Variants in TRAPPC9 observed in about 807,000 individuals in gnomAD.
TRAPPC9 encodes trafficking protein particle complex subunit 9.
A neutral mutation model predicts 124.0 loss-of-function variants in TRAPPC9; 83 were observed. The observed-to-expected ratio is 0.67, with a 90% CI of 0.56 to 0.80. TRAPPC9 has a LOEUF of 0.80. Ranked by LOEUF, TRAPPC9 falls within the 30% of genes least tolerant of loss-of-function variation. TRAPPC9 has a pLI of 0.00. For synonymous variants in TRAPPC9, 638 were observed against 617.5 expected (o/e 1.03, Z -0.49); for missense variants, 1,302 against 1,508.3 (o/e 0.86, Z 2.27).
intron 19 of TRAPPC9, among the ~76,000 whole-genome samples, chr8:139,968,351 A>G (rs1193271268): frequency 6.6e-6 from 1 of 152,144 alleles, no homozygotes; most frequent in African/African-American, 2.4e-5. Context: ...GCCCCACTTA[A>G]AAGTCTTATG....
chr8:140,005,594 A>G lies in TRAPPC9; in HGVS notation c.2700-16758T>C, dbSNP rs544159873. Among the ~76,000 whole-genome samples, 27 of 152,154 alleles carry G rather than the reference A, an allele frequency of 1.8e-4. No homozygotes were observed. The East Asian group carries it at 4.4e-3, about 25-fold the overall frequency. On this transcript the variant is annotated intron_variant, in intron 18 of 22. Transcript: ENST00000438773. ...CAATCAGCACGGCTTATTGGGGGAA[A>G]CTTCCAGGACCTTCCTCACAGGAGT...
intron 21 of TRAPPC9, among the ~76,000 whole-genome samples, chr8:139,772,366 T>C (rs1171803686): frequency 2.6e-5 from 4 of 152,116 alleles, no homozygotes; most frequent in Admixed American, 6.5e-5. Flanking sequence ...GAGAGTATTA[T>C]CCCATTTTAC....
At chr8:140,168,113 T>C (rs1313192622) in intron 17 of TRAPPC9, among the ~76,000 whole-genome samples, 2 of 152,206 alleles carry the variant, frequency 1.3e-5, no homozygotes, top group East Asian at 1.9e-4. Context: ...ACTTGCTCAA[T>C]AACGAGATGC....
chr8:140,023,980 G>T lies in TRAPPC9; in HGVS notation c.2656C>A (p.Pro886Thr). The T allele has an allele frequency of 6.2e-7, 1 of 1,614,044 alleles. No individual in the cohort carries two copies. The highest frequency in any genetic ancestry group is 8.5e-7 in the Non-Finnish European group (1 of 1,179,998). ...CTGACTCGGGTGAAAAATACAGACG[G>T]CTCGACTTCTACATGCAGCCCCAGG... ...LSLGLHVEVE[P>T]SVFFTRVSTL... The change falls in exon 18 of 23, where the codon CCG becomes ACG. Residue 886 changes from proline to threonine, a missense_variant. Pro to Thr is a conservative substitution (Grantham distance 38). Around this residue, in one of 3 missense-constraint regions of TRAPPC9, gnomAD observed 640 missense variants for 679.3 expected, o/e 0.94. Transcript: ENST00000438773.
chr8:139,917,162 A>ATTTTTTTTTT (rs1832191450), intron 19 of TRAPPC9, among the ~76,000 whole-genome samples: 4 of 70,926 alleles, frequency 5.6e-5, no homozygotes, highest in Admixed American at 1.3e-4. Context: ...CTTCATTATT[A>ATTTTTTTTTT]TTTTCTTTTT....
intron 21 of TRAPPC9, among the ~76,000 whole-genome samples, chr8:139,843,310 T>TCGGC (rs1220644769): frequency 6.6e-6 from 1 of 152,182 alleles, no homozygotes; most frequent in Non-Finnish European, 1.5e-5. Context: ...GGGCTGAGAC[T>TCGGC]CGGCCCCGGG....
intron 19 of TRAPPC9, among the ~76,000 whole-genome samples, chr8:139,918,221 C>T (rs767443609): frequency 2.0e-5 from 3 of 152,190 alleles, no homozygotes; most frequent in Non-Finnish European, 2.9e-5. Flanking sequence ...TCAGAGAAGG[C>T]CAAGGGTTGG....
At chr8:140,114,106 G>T (rs547620186) in intron 17 of TRAPPC9, among the ~76,000 whole-genome samples, 1 of 152,260 alleles carries the variant, frequency 6.6e-6, no homozygotes, top group East Asian at 1.9e-4. Context: ...TAGCATAGCT[G>T]GTAGCTGGTC....
At chr8:140,455,056 T>C (rs1475935188) in intron 1 of TRAPPC9, among the ~76,000 whole-genome samples, 1 of 152,104 alleles carries the variant, frequency 6.6e-6, no homozygotes, top group Non-Finnish European at 1.5e-5. Context: ...TCCATAGAGC[T>C]ACTATAAAAC....
chr8:139,760,874 C>T (rs1015349296), intron 21 of TRAPPC9, among the ~76,000 whole-genome samples: 5 of 152,220 alleles, frequency 3.3e-5, no homozygotes, highest in Non-Finnish European at 7.3e-5. Context: ...CCAGGCCCCT[C>T]CCACAACACA....
Position 140,295,508 on chromosome 8 carries a change from C to T in TRAPPC9, c.1769-4430G>A, listed in dbSNP as rs563956392. Among the ~76,000 whole-genome samples, 4 of 152,314 alleles carry T rather than the reference C, an allele frequency of 2.6e-5. No homozygotes were observed. In the East Asian group the frequency reaches 7.7e-4, roughly 29 times the overall value. ...TCGACCTTGGCACTAAGCCTGGCAG[C>T]ACCACAAAGACCTATCACAAATGAC... On this transcript the variant is annotated intron_variant, in intron 11 of 22. Coordinates refer to ENST00000438773, the MANE Select transcript of TRAPPC9 (RefSeq NM_001160372.4).
intron 18 of TRAPPC9, among the ~76,000 whole-genome samples, chr8:140,022,003 A>G (rs1207687737): frequency 6.6e-6 from 1 of 152,216 alleles, no homozygotes. Flanking sequence ...GAAGTATGGG[A>G]CTGGGGCAAA....
chr8:139,864,720 C>A (rs913438130), intron 21 of TRAPPC9, among the ~76,000 whole-genome samples: 1 of 152,172 alleles, frequency 6.6e-6, no homozygotes, highest in Non-Finnish European at 1.5e-5. Flanking sequence ...GGGCTGTGGG[C>A]ACTACCGCCC....
rs57216752 is a variant in TRAPPC9, at chr8:140,107,220, C to G, written c.2557-83141G>C. On this transcript the variant is annotated intron_variant, in intron 17 of 22. Transcript: ENST00000438773. ...TTTCAAGTCCTGGTTCAATTCAAAT[C>G]CCCTCCTCTGAAGTCTCAGAGCACT... Among the ~76,000 whole-genome samples the G allele has an allele frequency of 9.3e-3, 1,420 of 152,300 alleles. 24 individuals carry two copies. The highest frequency in any genetic ancestry group is 0.032 in the African/African-American group (1,324 of 41,558).
chr8:140,183,383 T>A (rs2062251976), intron 17 of TRAPPC9, among the ~76,000 whole-genome samples: 1 of 152,208 alleles, frequency 6.6e-6, no homozygotes, highest in Non-Finnish European at 1.5e-5. Context: ...TCAAGTCCAA[T>A]GATACAATCA....
intron 21 of TRAPPC9, among the ~76,000 whole-genome samples, chr8:139,757,552 G>A (rs1819933790): frequency 6.6e-6 from 1 of 151,998 alleles, no homozygotes; most frequent in Admixed American, 6.6e-5. Flanking sequence ...GTCGCCGGAG[G>A]AGCCAGGGGG....
intron 19 of TRAPPC9, among the ~76,000 whole-genome samples, 155 bp downstream of exon 19, chr8:139,988,571 C>T (rs562506808): frequency 7.7e-4 from 118 of 152,312 alleles, no homozygotes; most frequent in African/African-American, 2.7e-3. Flanking sequence ...CCAGATTCTC[C>T]CACCAAACTT....
rs550887846 is a variant in TRAPPC9 at position 140,243,994 on chromosome 8, C to T, written c.2431+8783G>A. Among the ~76,000 whole-genome samples, 3 of 152,338 alleles carry T rather than the reference C, an allele frequency of 2.0e-5. No individual in the cohort carries two copies. The South Asian group carries it at 6.2e-4, about 32-fold the overall frequency. On this transcript the variant is annotated intron_variant, in intron 16 of 22. Transcript: ENST00000438773. ...TCAGGTTCTCACAGGAGTGCAAACT[C>T]TATTGTGACCTGTGCACACCAAGGA... is the stretch of plus-strand genomic sequence containing the variant.
At chr8:140,290,762 G>A (rs943152872) in intron 12 of TRAPPC9, among the ~76,000 whole-genome samples, 2 of 152,186 alleles carry the variant, frequency 1.3e-5, no homozygotes, top group African/African-American at 2.4e-5. Context: ...CTCGGCATGT[G>A]TTCAAATCAG....
Sources: allele counts gnomAD v4.1 joint callset (sites outside exome capture counted in the v4.1 genomes callset), GRCh38; gene constraint gnomAD v4.1.1; regional missense constraint gnomAD v4.1.1; transcripts MANE v1.5; gene names NCBI Gene and HGNC (gene_info 2026-07-23, HGNC 2026-07-21).